The following NLRP8 variants were observed in gnomAD, a reference collection of about 807,000 sequenced individuals.
NLRP8 encodes NLR family pyrin domain containing 8, also known as NACHT, LRR and PYD domains-containing protein 8.
Under a neutral mutation model 88.7 loss-of-function variants are expected in NLRP8, and 86 were observed. That is an observed-to-expected ratio of 0.97 (90% CI 0.81 to 1.16). The LOEUF is 1.16. NLRP8 is among the 50% of genes most tolerant of loss of function. NLRP8 has a pLI of 0.00. For missense variants in NLRP8, 1,342 were observed against 1,286.5 expected (o/e 1.04, Z -0.66); for synonymous variants, 504 against 494.6 (o/e 1.02, Z -0.25).
chr19:55,965,249 A>T (rs1199542750), intron 4 of NLRP8, among the ~76,000 whole-genome samples: 1 of 152,158 alleles, frequency 6.6e-6, no homozygotes, highest in Non-Finnish European at 1.5e-5. Flanking sequence ...TCAGGAGTTC[A>T]AGACCAGCCT....
chr19:55,970,655 T>G lies in NLRP8; in HGVS notation c.2493T>G (p.Cys831Trp). The stretch of plus-strand genomic sequence containing the variant: ...TAAGAAAAAACTCCCTGGAGAACTG[T>G]GGGGCGTATTACCTGTCTGTGGCCC... The change falls in exon 6 of 10, where the codon TGT (cysteine) becomes TGG (tryptophan). Residue 831 changes from cysteine to tryptophan, a missense_variant. Physicochemically the swap from Cys to Trp is radical, Grantham distance 215 (BLOSUM62 -2). Coordinates refer to ENST00000291971, the MANE Select transcript of NLRP8 (RefSeq NM_176811.2). The G allele has an allele frequency of 6.2e-7, 1 of 1,614,122 alleles. No homozygotes were observed. Among genetic ancestry groups the G allele is most frequent in the Non-Finnish European group, 8.5e-7 (1 of 1,180,020 alleles).
At position 55,985,032 on chromosome 19, in the gene NLRP8, G is replaced by A. The variant is rs146881143; in HGVS notation, c.3048-2782G>A. Among the ~76,000 whole-genome samples, 159 of 149,904 alleles carry A rather than the reference G, an allele frequency of 1.1e-3. 1 individual carries two copies. Among genetic ancestry groups the A allele is most frequent in the Middle Eastern group, 7.8e-3 (2 of 258 alleles). On this transcript the variant is annotated intron_variant, in intron 9 of 9. Transcript: ENST00000291971. ...TATATGAAGAAATGTGGCCAAGCGC[G>A]GTGGCTCACGCCTGTCATCCCAACA...
intron 7 of NLRP8, among the ~76,000 whole-genome samples, chr19:55,975,714 A>C (rs530284182): frequency 1.1e-4 from 17 of 151,242 alleles, no homozygotes; most frequent in Admixed American, 6.6e-4. Context: ...TTTAAATGAC[A>C]TGCCAAAAAT....
intron 2 of NLRP8, among the ~76,000 whole-genome samples, chr19:55,953,458 C>T (rs1303150836): frequency 2.0e-5 from 3 of 152,084 alleles, no homozygotes; most frequent in South Asian, 4.2e-4. Context: ...TTGGGGACCA[C>T]TTCAATAGAG....
intron 9 of NLRP8, among the ~76,000 whole-genome samples, chr19:55,986,454 A>T (rs1194247962): frequency 1.7e-4 from 6 of 34,640 alleles, no homozygotes; most frequent in South Asian, 1.9e-3. Context: ...TCTCTCTCTC[A>T]CACACACACT....
rs144136779 is a variant in NLRP8 at position 55,955,545 on chromosome 19, T to C, written c.1487T>C (p.Ile496Thr). 7.1e-5 allele frequency: 114 copies of C among 1,614,052 alleles called. No homozygotes were observed. Among genetic ancestry groups the C allele is most frequent in the Middle Eastern group, 1.6e-4 (1 of 6,084 alleles). Residue 496 changes from isoleucine to threonine, a missense_variant, in exon 3 of 10, where the codon ATT becomes ACT. Ile to Thr is a moderately conservative substitution (Grantham distance 89). Transcript: ENST00000291971. The stretch of plus-strand genomic sequence containing the variant: ...CTTGGCATGAGTATTCTTCGGAGAA[T>C]TGCAGGTGAGGAAGACCACTATGTC...
chr19:55,978,241 G>A (rs1043552731), intron 8 of NLRP8, among the ~76,000 whole-genome samples: 4 of 151,666 alleles, frequency 2.6e-5, no homozygotes, highest in African/African-American at 9.7e-5. Context: ...GAGGGGGGAG[G>A]GATAGCATTT....
intron 9 of NLRP8, among the ~76,000 whole-genome samples, chr19:55,982,752 G>A (rs1314206968): frequency 1.3e-5 from 2 of 152,160 alleles, no homozygotes; most frequent in African/African-American, 4.8e-5. Context: ...GACCAGCCTG[G>A]GCAACATAGG....
In NLRP8 at chr19:55,952,550, C is replaced by A. The variant is rs746500440; in HGVS notation, c.380C>A (p.Thr127Asn). The A allele has an allele frequency of 1.9e-6, 3 of 1,613,766 alleles. No homozygotes were observed. The African/African-American group carries it at 4.0e-5, about 22-fold the overall frequency. The change falls in exon 2 of 10, where the codon ACC (threonine) becomes AAC (asparagine). Residue 127 changes from threonine to asparagine, a missense_variant. Thr to Asn is a moderately conservative substitution (Grantham distance 65). Transcript: ENST00000291971. ...TTTTCTGTTACAGCCATTCTGCCTA[C>A]CTTGGAACCAGAGGACTTGAATGTG...
At chr19:55,986,525 A>C (rs944173264) in intron 9 of NLRP8, among the ~76,000 whole-genome samples, 4 of 149,856 alleles carry the variant, frequency 2.7e-5, no homozygotes, top group African/African-American at 9.9e-5. Context: ...GCTTCAGGAC[A>C]GCCAGCTGAA....
At chr19:55,970,113 T>G (rs1381141351) in intron 5 of NLRP8, among the ~76,000 whole-genome samples, 7 of 152,060 alleles carry the variant, frequency 4.6e-5, no homozygotes, top group Admixed American at 3.9e-4. Context: ...GCTAATGGAG[T>G]AGATTTTTAA....
At chr19:55,960,531 TC>T (rs1259903345) in intron 3 of NLRP8, among the ~76,000 whole-genome samples, 4 of 152,204 alleles carry the variant, frequency 2.6e-5, no homozygotes, top group African/African-American at 9.6e-5. Flanking sequence ...ACAATGTCTT[TC>T]TATGATGCTG....
Position 55,947,858 on chromosome 19 carries a change from T to C in NLRP8, c.-45T>C, listed in dbSNP as rs534686974. ...TCTCGTGTTTCTCTCTTCCAATCGGTTGTCTTTATCGTGGACACTGAGGTG... is the reference window on the plus strand; with the variant it reads ...TCTCGTGTTTCTCTCTTCCAATCGGCTGTCTTTATCGTGGACACTGAGGTG... On this transcript the variant is annotated 5_prime_UTR_variant, in exon 1 of 10. Coordinates refer to ENST00000291971, the MANE Select transcript of NLRP8 (RefSeq NM_176811.2). 10 of 1,555,698 alleles carry C rather than the reference T, an allele frequency of 6.4e-6. No homozygotes were observed. In the African/African-American group the frequency reaches 9.5e-5, roughly 15 times the overall value.
intron 9 of NLRP8, 134 bp downstream of exon 9, chr19:55,979,698 C>T (rs1568469368): frequency 1.3e-5 from 12 of 931,118 alleles, no homozygotes; most frequent in Middle Eastern, 2.9e-4. Context: ...ACAGGCAGAT[C>T]GCTTGAGTCT....
intron 4 of NLRP8, among the ~76,000 whole-genome samples, chr19:55,963,899 C>CGT (rs1306633380): frequency 2.0e-5 from 3 of 151,972 alleles, no homozygotes; most frequent in Admixed American, 2.0e-4. Context: ...CGTTGCCCAC[C>CGT]GTCTGCTAGG....
In NLRP8 at chr19:55,973,938, G is replaced by A. The variant is rs140321338; in HGVS notation, c.2705+116G>A. ...TTATTAAGTGCCTACTGCGTGTTAG[G>A]CATGGTGCTAGCACTGAGGGGAAAA... On this transcript the variant is annotated intron_variant, in intron 7 of 9. Transcript: ENST00000291971. 429 of 1,023,682 alleles carry A rather than the reference G, an allele frequency of 4.2e-4. No homozygotes were observed. In the African/African-American group the frequency reaches 6.3e-3, roughly 15 times the overall value. 63.4% of individuals were successfully genotyped at this position (1,023,682 alleles called of 1,614,324 possible).
chr19:55,970,739 G>A, intron 6 of NLRP8, 43 bp downstream of exon 6: 1 of 1,609,554 alleles, frequency 6.2e-7, no homozygotes, highest in East Asian at 2.2e-5. Flanking sequence ...TTGTGGTTGT[G>A]GTGGTTGTTT....
chr19:55,978,746 G>A (rs566368900), intron 8 of NLRP8, among the ~76,000 whole-genome samples: 8 of 152,222 alleles, frequency 5.3e-5, no homozygotes, highest in African/African-American at 1.2e-4. Flanking sequence ...GTGTGGGAGG[G>A]CAAAGTGACT....
intron 5 of NLRP8, among the ~76,000 whole-genome samples, chr19:55,968,494 A>G (rs957185029): frequency 6.9e-6 from 1 of 144,980 alleles, no homozygotes; most frequent in Admixed American, 6.9e-5. Context: ...TAATCCCAAC[A>G]CTTTGGGAGG....
Sources: gnomAD v4.1 joint callset for allele counts (sites outside exome capture counted in the v4.1 genomes callset) on GRCh38, gnomAD v4.1.1 for gene constraint, MANE v1.5 for transcripts, NCBI Gene and HGNC (gene_info 2026-07-23, HGNC 2026-07-21) for gene names.